The following INPP5A variants were observed in gnomAD, a reference collection of about 807,000 sequenced individuals.
The protein encoded by INPP5A is 43 kDa inositol polyphosphate 5-phophatase.
Under a neutral mutation model 65.2 loss-of-function variants are expected in INPP5A, and 14 were observed. The observed-to-expected ratio is 0.21, with a 90% CI of 0.14 to 0.34. The LOEUF is 0.34. INPP5A is among the 10% of genes least tolerant of loss of function. The pLI is 1.00. For synonymous variants in INPP5A, 207 were observed against 208.3 expected (o/e 0.99, Z 0.05); for missense variants, 431 against 545.6 (o/e 0.79, Z 2.09).
At chr10:132,749,067 T>A (rs150118850) in intron 9 of INPP5A, among the ~76,000 whole-genome samples, 1,642 of 152,342 alleles carry the variant, frequency 0.011, 14 homozygotes, top group Non-Finnish European at 0.018. Context: ...TTGAGACGGT[T>A]CCCGGTCAAG....
chr10:132,647,793 G>A (rs1421502934), intron 3 of INPP5A, among the ~76,000 whole-genome samples: 1 of 152,160 alleles, frequency 6.6e-6, no homozygotes, highest in Non-Finnish European at 1.5e-5. Flanking sequence ...TGTGTCATAA[G>A]CAGCCACTTC....
chr10:132,780,714 T>C (rs1264409521), intron 13 of INPP5A, 135 bp from the exon 14 acceptor site: 2 of 761,342 alleles, frequency 2.6e-6, no homozygotes, highest in East Asian at 5.0e-5. Context: ...TGGCAGAGGC[T>C]GGGGAGGTAC....
rs1209791780 is a variant in INPP5A, at chr10:132,783,020, G to C, written c.*991G>C. Reference sequence around the variant, plus strand: ...GAAATAGCCTAGTTTGCTTCCAATAGAAACTGCTTTTAACATGGGCTGTAT... The same window carrying C: ...GAAATAGCCTAGTTTGCTTCCAATACAAACTGCTTTTAACATGGGCTGTAT... On this transcript the variant is annotated 3_prime_UTR_variant, in exon 16 of 16. Coordinates refer to ENST00000368594, the MANE Select transcript of INPP5A (RefSeq NM_005539.5). The C allele has an allele frequency of 1.3e-5, 2 of 152,364 alleles. No homozygotes were observed. Among genetic ancestry groups the C allele is most frequent in the Non-Finnish European group, 2.9e-5 (2 of 68,036 alleles). 9.4% of individuals were successfully genotyped at this position (152,364 alleles called of 1,614,324 possible).
At chr10:132,629,954 T>C (rs1367797335) in intron 2 of INPP5A, among the ~76,000 whole-genome samples, 4 of 150,994 alleles carry the variant, frequency 2.6e-5, no homozygotes, top group Non-Finnish European at 5.9e-5. Context: ...GGGGAGAGTG[T>C]TCTTGAGGGC....
rs1261519713 is a variant in INPP5A at position 132,782,126 on chromosome 10, C to T, written c.*97C>T. On this transcript the variant is annotated 3_prime_UTR_variant, in exon 16 of 16. Coordinates refer to ENST00000368594, the MANE Select transcript of INPP5A (RefSeq NM_005539.5). The surrounding 1 kb of genome is among the most constrained non-coding windows in gnomAD (Gnocchi z 4.4). ...GCACTCTTGAAAGCTGCATCGAGAA[C>T]CCGCCCAAGCGCCACCTGCTAGACG... 2 of 1,528,986 alleles carry T rather than the reference C, an allele frequency of 1.3e-6. No individual in the cohort carries two copies. Among genetic ancestry groups the T allele is most frequent in the Non-Finnish European group, 1.8e-6 (2 of 1,133,038 alleles). 94.7% of individuals were successfully genotyped at this position (1,528,986 alleles called of 1,614,324 possible). A position where few individuals can be genotyped will look rare whatever the true frequency, so the allele number is the denominator to read the frequency against.
Position 132,644,749 on chromosome 10 carries a change from G to T in INPP5A, c.118-1119G>T, listed in dbSNP as rs115551886. 6.5e-3 allele frequency among the ~76,000 whole-genome samples: 985 copies of T among 152,340 alleles called. 7 individuals carry two copies. The highest frequency in any genetic ancestry group is 0.021 in the African/African-American group (892 of 41,578). On this transcript the variant is annotated intron_variant, in intron 2 of 15. Transcript: ENST00000368594. This position sits in a 1 kb window ranked among gnomAD's most constrained non-coding sequence, Gnocchi z 6.5. ...CTGTCGGGGCTTGCTCCTTGGAAGC[G>T]CTGCGCATCCTGTGTTCCAGGGGAG...
chr10:132,726,346 C>T (rs1408482646), intron 8 of INPP5A, among the ~76,000 whole-genome samples: 2 of 152,226 alleles, frequency 1.3e-5, no homozygotes, highest in African/African-American at 2.4e-5. Flanking sequence ...TTCACCTGCA[C>T]GCGCCTCCCC....
Position 132,698,459 on chromosome 10 carries a change from A to G in INPP5A, c.474+540A>G, listed in dbSNP as rs1461016255. Among the ~76,000 whole-genome samples, 3 of 152,268 alleles carry G rather than the reference A, an allele frequency of 2.0e-5. No individual in the cohort carries two copies. The highest frequency in any genetic ancestry group is 7.2e-5 in the African/African-American group (3 of 41,460). On this transcript the variant is annotated intron_variant, in intron 6 of 15. Transcript: ENST00000368594. This position sits in a 1 kb window ranked among gnomAD's most constrained non-coding sequence, Gnocchi z 5.5. Reference sequence around the variant, plus strand: ...GGAAGGCATTTGTCGTCTCACTGCCAGACACGGTGTTGATGAGAAATTGGT... The same window carrying G: ...GGAAGGCATTTGTCGTCTCACTGCCGGACACGGTGTTGATGAGAAATTGGT...
intron 8 of INPP5A, among the ~76,000 whole-genome samples, chr10:132,713,016 GTGTA>G (rs546592945): frequency 2.2e-3 from 337 of 151,536 alleles, no homozygotes; most frequent in African/African-American, 6.7e-3. Context: ...GTGTGCTGGG[GTGTA>G]TGTATGTATG....
Position 132,739,605 on chromosome 10 carries a change from G to A in INPP5A, c.733-9912G>A, listed in dbSNP as rs923096498. On this transcript the variant is annotated intron_variant, in intron 9 of 15. Transcript: ENST00000368594. ...ATCTCAGCCACTCCCAGAGGGGGAC[G>A]CAGCGCTCTCTGGCCTTTGCTGCCC... 3.3e-5 allele frequency among the ~76,000 whole-genome samples: 5 copies of A among 152,236 alleles called. No homozygotes were observed. The South Asian group carries it at 6.2e-4, about 19-fold the overall frequency.
chr10:132,707,338 G>T lies in INPP5A; in HGVS notation c.475-975G>T, dbSNP rs151218101. Among the ~76,000 whole-genome samples, 1 of 144,194 alleles carries T rather than the reference G, an allele frequency of 6.9e-6. No homozygotes were observed. The highest frequency in any genetic ancestry group is 2.5e-5 in the African/African-American group (1 of 40,522). The allele number at this position is 144,194 out of a possible 152,430, so 94.6% of individuals were successfully genotyped here. On this transcript the variant is annotated intron_variant, in intron 6 of 15. Transcript: ENST00000368594. This position sits in a 1 kb window ranked among gnomAD's most constrained non-coding sequence, Gnocchi z 5.5. ...CTGCCCTGTTGGCTGCCGTTCCCCC[G>T]CCACTGCCTGAAGCGCTTTGCTTTG...
chr10:132,659,737 C>T lies in INPP5A; in HGVS notation c.306+9232C>T, dbSNP rs1317095970. On this transcript the variant is annotated intron_variant, in intron 4 of 15. Coordinates refer to ENST00000368594, the MANE Select transcript of INPP5A (RefSeq NM_005539.5). The surrounding 1 kb of genome is among the most constrained non-coding windows in gnomAD (Gnocchi z 5.5). ...AGGCGGCAACCTTGCCTGGCACTCA[C>T]CAGGGCCTCCTCCCCAGCACTGTCC... Among the ~76,000 whole-genome samples the T allele has an allele frequency of 6.6e-6, 1 of 152,228 alleles. No individual in the cohort carries two copies. The highest frequency in any genetic ancestry group is 1.9e-4 in the East Asian group (1 of 5,192).
At chr10:132,672,399 G>A (rs766735233) in intron 4 of INPP5A, among the ~76,000 whole-genome samples, 2 of 152,178 alleles carry the variant, frequency 1.3e-5, no homozygotes, top group Non-Finnish European at 1.5e-5. Flanking sequence ...TTATGGGAGG[G>A]ACCCTGCGGG....
chr10:132,726,599 G>A (rs969614925), intron 8 of INPP5A, among the ~76,000 whole-genome samples: 8 of 152,164 alleles, frequency 5.3e-5, no homozygotes, highest in Middle Eastern at 3.2e-3. Context: ...CAACAGATGC[G>A]TGTCCGTGTT....
intron 3 of INPP5A, among the ~76,000 whole-genome samples, chr10:132,649,226 A>T (rs979548763): frequency 6.6e-6 from 1 of 152,120 alleles, no homozygotes; most frequent in Non-Finnish European, 1.5e-5. Context: ...CAGAAGCCTC[A>T]CGTGTGCTTT....
chr10:132,565,178 C>T (rs533732777), intron 1 of INPP5A, among the ~76,000 whole-genome samples: 3 of 152,266 alleles, frequency 2.0e-5, no homozygotes, highest in East Asian at 1.9e-4. Flanking sequence ...GGCATGGTCA[C>T]GGCTTACTGC....
At position 132,549,085 on chromosome 10, in the gene INPP5A, G is replaced by A. The variant is rs983667868; in HGVS notation, c.75+10914G>A. On this transcript the variant is annotated intron_variant, in intron 1 of 15. Transcript: ENST00000368594. This position sits in a 1 kb window ranked among gnomAD's most constrained non-coding sequence, Gnocchi z 4.9. ...TGGGATGACAGGTGTGAGCCACTGCGCCTGGGCTTGTCTTCCCTGTTTCAT... is the reference window on the plus strand; with the variant it reads ...TGGGATGACAGGTGTGAGCCACTGCACCTGGGCTTGTCTTCCCTGTTTCAT... Among the ~76,000 whole-genome samples, 3 of 152,190 alleles carry A rather than the reference G, an allele frequency of 2.0e-5. No individual in the cohort carries two copies. Among genetic ancestry groups the A allele is most frequent in the Admixed American group, 6.5e-5 (1 of 15,276 alleles).
At position 132,678,973 on chromosome 10, in the gene INPP5A, G is replaced by A. The variant is rs2133451368; in HGVS notation, c.307-11419G>A. ...AGATGGCCAATGGGGCTGGAGCTCT[G>A]TCAGCTGGGTGTGTGAGGGCCAGAG... is the stretch of plus-strand genomic sequence containing the variant. On this transcript the variant is annotated intron_variant, in intron 4 of 15. Transcript: ENST00000368594. The surrounding 1 kb of genome is among the most constrained non-coding windows in gnomAD (Gnocchi z 4.1). Among the ~76,000 whole-genome samples, 1 of 152,364 alleles carries A rather than the reference G, an allele frequency of 6.6e-6. No homozygotes were observed. The highest frequency in any genetic ancestry group is 2.4e-5 in the African/African-American group (1 of 41,588).
chr10:132,688,652 TGC>T (rs912869559), intron 4 of INPP5A, among the ~76,000 whole-genome samples: 16 of 150,118 alleles, frequency 1.1e-4, no homozygotes, highest in African/African-American at 3.7e-4. Flanking sequence ...TGAGTGTGTG[TGC>T]AAGTGAGTGT....
Sources: allele counts gnomAD v4.1 joint callset (sites outside exome capture counted in the v4.1 genomes callset), GRCh38; gene constraint gnomAD v4.1.1; non-coding constraint Gnocchi (gnomAD v3.1); transcripts MANE v1.5; gene names NCBI Gene and HGNC (gene_info 2026-07-23, HGNC 2026-07-21).